ATPSCKMT: variants seen among roughly 807,000 people sequenced by gnomAD.
The protein encoded by ATPSCKMT is ATP synthase c subunit lysine N-methyltransferase.
In ATPSCKMT, 24 loss-of-function variants were observed where a neutral mutation model predicts 24.3. That is an observed-to-expected ratio of 0.99 (90% confidence interval 0.71 to 1.39). The LOEUF is 1.39. Ranked by LOEUF, ATPSCKMT falls within the 40% of genes most tolerant of loss-of-function variation. ATPSCKMT has a pLI of 0.00. For missense variants in ATPSCKMT, 311 were observed against 298.4 expected, an observed-to-expected ratio of 1.04 and a Z score of -0.31; for synonymous variants, 95 against 110.5, an observed-to-expected ratio of 0.86 and a Z score of 0.88.
chr5:10,235,145 G>A, intron 4 of ATPSCKMT, 66 bp downstream of exon 4: 4 of 1,469,526 alleles, frequency 2.7e-6, no homozygotes, highest in Non-Finnish European at 3.8e-6. Context: ...GAGTGGTGGT[G>A]TTGTGGCTGG....
intron 2 of ATPSCKMT, among the ~76,000 whole-genome samples, chr5:10,238,085 G>A (rs1026271982): frequency 6.6e-6 from 1 of 152,190 alleles, no homozygotes; most frequent in African/African-American, 2.4e-5. Context: ...CTCCCAGAGG[G>A]TGAGGGGAGG....
At chr5:10,248,664 C>CA (rs1253234578) in intron 1 of ATPSCKMT, among the ~76,000 whole-genome samples, 1 of 152,246 alleles carries the variant, frequency 6.6e-6, no homozygotes, top group Non-Finnish European at 1.5e-5. Flanking sequence ...CCTCCTGCCT[C>CA]AGCCCCAGAG....
chr5:10,247,422 C>T (rs1447047987), intron 1 of ATPSCKMT, among the ~76,000 whole-genome samples: 2 of 152,258 alleles, frequency 1.3e-5, no homozygotes, highest in East Asian at 3.8e-4. Context: ...CTCACCACAG[C>T]CTTGACCTCT....
At chr5:10,239,013 A>G in intron 2 of ATPSCKMT, 54 bp downstream of exon 2, 1 of 1,567,800 alleles carries the variant, frequency 6.4e-7, no homozygotes, top group South Asian at 1.2e-5. Flanking sequence ...CTAAATGTAA[A>G]GCAGAAATTT....
intron 1 of ATPSCKMT, among the ~76,000 whole-genome samples, chr5:10,244,220 A>G (rs1055416540): frequency 3.9e-5 from 6 of 152,224 alleles, no homozygotes; most frequent in Non-Finnish European, 8.8e-5. Flanking sequence ...TACAATAGAA[A>G]CATCAAAAAT....
intron 1 of ATPSCKMT, among the ~76,000 whole-genome samples, chr5:10,245,396 G>A (rs1044004419): frequency 6.6e-6 from 1 of 151,876 alleles, no homozygotes; most frequent in Non-Finnish European, 1.5e-5. Context: ...CTCCAGCCTG[G>A]GTGACAAAGT....
At chr5:10,243,833 A>T (rs555642399) in intron 1 of ATPSCKMT, among the ~76,000 whole-genome samples, 6 of 152,202 alleles carry the variant, frequency 3.9e-5, no homozygotes, top group Non-Finnish European at 8.8e-5. Context: ...CTTTCTTATC[A>T]TTTGTGTGTT....
chr5:10,239,144 G>C lies in ATPSCKMT; in HGVS notation c.229C>G (p.Gln77Glu). The part of the protein sequence containing the change: ...CLPFVPATTK[Q>E]IENVVKMLRC... ...AACATTTTCACAACATTTTCAATCT[G>C]CTTCGTAGTTGCAGGTACAAACGGC... Residue 77 changes from glutamine (Q) to glutamate (E), a missense_variant, in exon 2 of 5, where the codon CAG (glutamine) becomes GAG (glutamate). Gln to Glu is a conservative substitution (Grantham distance 29, BLOSUM62 2). Transcript: ENST00000511437. 6.2e-7 allele frequency: 1 copy of C among 1,614,182 alleles called. No homozygotes were observed.
At chr5:10,232,379 G>C (rs978156837) in intron 4 of ATPSCKMT, among the ~76,000 whole-genome samples, 21 of 152,214 alleles carry the variant, frequency 1.4e-4, no homozygotes, top group African/African-American at 5.1e-4. Flanking sequence ...TGCGGTGCTG[G>C]AGGCCTGGGC....
At position 10,239,335 on chromosome 5, in the gene ATPSCKMT, TTAAG is replaced by T. The variant is rs1744521463; in HGVS notation, c.34_37del (p.Leu12LysfsTer42). 2 of 1,613,930 alleles carry T rather than the reference TTAAG, an allele frequency of 1.2e-6. No homozygotes were observed. The highest frequency in any genetic ancestry group is 1.7e-6 in the Non-Finnish European group (2 of 1,179,930). On this transcript the variant is annotated frameshift_variant, in exon 2 of 5. Coordinates refer to ENST00000511437, the MANE Select transcript of ATPSCKMT (RefSeq NM_199133.4). LOFTEE classifies it high-confidence loss of function. ...AACATGTCTTGACTGACTTTCTTCT[TTAAG>T]TGTTTCTAGGGGTATACCTAGATTG...
chr5:10,227,255 G>A lies in ATPSCKMT; in HGVS notation c.*186C>T, dbSNP rs555081333. The A allele has an allele frequency of 3.2e-6, 2 of 626,760 alleles. No homozygotes were observed. The highest frequency in any genetic ancestry group is 5.4e-6 in the Non-Finnish European group (2 of 368,834). 38.8% of individuals were successfully genotyped at this position (626,760 alleles called of 1,614,324 possible). A position where few individuals can be genotyped will look rare whatever the true frequency, so the allele number is the denominator to read the frequency against. ...AGTAAGTACAATTTTTAAGAAAATAGCATCAAAAGCAGATTTTAAATCTAC... is the reference window on the plus strand; with the variant it reads ...AGTAAGTACAATTTTTAAGAAAATAACATCAAAAGCAGATTTTAAATCTAC... On this transcript the variant is annotated 3_prime_UTR_variant, in exon 5 of 5. Transcript: ENST00000511437.
In ATPSCKMT at chr5:10,249,888, C is replaced by T. The variant is rs1462034943; in HGVS notation, c.-15G>A. ...CCTCCCTCCATCGCGAGATTTCCAACAGCGTTTTTAAAAAAAAAAAAAAAA... is the reference window on the plus strand; with the variant it reads ...CCTCCCTCCATCGCGAGATTTCCAATAGCGTTTTTAAAAAAAAAAAAAAAA... On this transcript the variant is annotated 5_prime_UTR_variant, in exon 1 of 5. Coordinates refer to ENST00000511437, the MANE Select transcript of ATPSCKMT (RefSeq NM_199133.4). 1 of 836,238 alleles carries T rather than the reference C, an allele frequency of 1.2e-6. No individual in the cohort carries two copies. The highest frequency in any genetic ancestry group is 1.4e-5 in the South Asian group (1 of 70,624). The allele number at this position is 836,238 out of a possible 1,614,324, so 51.8% of individuals were successfully genotyped here.
chr5:10,245,844 C>T (rs1223527189), intron 1 of ATPSCKMT, among the ~76,000 whole-genome samples: 5 of 152,076 alleles, frequency 3.3e-5, no homozygotes, highest in Admixed American at 3.3e-4. Flanking sequence ...GCCTGAGAGG[C>T]TAAGTAATGA....
intron 4 of ATPSCKMT, among the ~76,000 whole-genome samples, chr5:10,229,854 C>G (rs1744042796): frequency 6.6e-6 from 1 of 152,230 alleles, no homozygotes; most frequent in Admixed American, 6.5e-5. Flanking sequence ...CACTGGGAGG[C>G]TCTTGCCGCT....
In ATPSCKMT at chr5:10,227,653, G is replaced by T; in HGVS notation, c.496-6C>A. On this transcript the variant is annotated splice_region_variant and splice_polypyrimidine_tract_variant and intron_variant, in intron 4 of 4. Coordinates refer to ENST00000511437, the MANE Select transcript of ATPSCKMT (RefSeq NM_199133.4). ...TTCTTCTCCAACTGCAGCATCTGTG[G>T]AGAGTAACAGCTATTATTTTAGTGA... The T allele has an allele frequency of 6.2e-7, 1 of 1,613,876 alleles. No homozygotes were observed. The highest frequency in any genetic ancestry group is 1.1e-5 in the South Asian group (1 of 91,034).
rs535776806 is a variant in ATPSCKMT, at chr5:10,247,759, T to C, written c.16+2099A>G. On this transcript the variant is annotated intron_variant, in intron 1 of 4. Transcript: ENST00000511437. ...CTATATATAAATGGCAAGAACTTTC[T>C]TTCAGGTGTTCTTTGGAACAAGGAG... Among the ~76,000 whole-genome samples the C allele has an allele frequency of 2.0e-4, 30 of 152,338 alleles. No individual in the cohort carries two copies. In the South Asian group the frequency reaches 6.0e-3, roughly 30 times the overall value.
At chr5:10,246,753 G>A (rs945489232) in intron 1 of ATPSCKMT, among the ~76,000 whole-genome samples, 2 of 152,210 alleles carry the variant, frequency 1.3e-5, no homozygotes, top group African/African-American at 2.4e-5. Context: ...AGCAAAAGAT[G>A]TAATAAAAAG....
At chr5:10,244,453 G>A (rs1355244211) in intron 1 of ATPSCKMT, 1 of 152,194 alleles carries the variant, frequency 6.6e-6, no homozygotes, top group Non-Finnish European at 1.5e-5. Context: ...CAGCTACTCA[G>A]GAGGCTGAGG....
chr5:10,236,753 T>C (rs1744393589), intron 2 of ATPSCKMT, 138 bp from the exon 3 acceptor site: 1 of 1,460,376 alleles, frequency 6.8e-7, no homozygotes, highest in Non-Finnish European at 9.0e-7. Flanking sequence ...CATTTTAAAA[T>C]GTGTCTCTAA....
Sources: allele counts gnomAD v4.1 joint callset (sites outside exome capture counted in the v4.1 genomes callset), GRCh38; gene constraint gnomAD v4.1.1; transcripts MANE v1.5; gene names NCBI Gene and HGNC (gene_info 2026-07-23, HGNC 2026-07-21).